The following MS4A7 variants were observed in gnomAD, a reference collection of about 807,000 sequenced individuals.
MS4A7 encodes the protein membrane-spanning 4-domains subfamily A member 7.
Under a neutral mutation model 23.5 loss-of-function variants are expected in MS4A7, and 21 were observed. The observed-to-expected ratio is 0.89, with a 90% CI of 0.63 to 1.29. The LOEUF (loss-of-function observed/expected upper bound fraction) is 1.29, where lower values mean the gene tolerates loss of function less well. Among genes scored for constraint, MS4A7 ranks in the 50% most tolerant of loss-of-function variants. The pLI, the probability that MS4A7 is intolerant of heterozygous loss-of-function variation, is 0.00. For missense variants in MS4A7, 263 were observed against 274.2 expected (o/e 0.96, Z 0.29); for synonymous variants, 111 against 107.4 (o/e 1.03, Z -0.21).
At position 60,385,256 on chromosome 11, in the gene MS4A7, C is replaced by A. The variant is rs190815822; in HGVS notation, c.282+34C>A. On this transcript the variant is annotated intron_variant, in intron 3 of 6. Coordinates refer to ENST00000300184, the MANE Select transcript of MS4A7 (RefSeq NM_021201.5). ...AATGGGGACTCTAAGAGGGGACATG[C>A]TTTATAAATGCTAACCAGGTGCATA... is the stretch of plus-strand genomic sequence containing the variant. 7 of 1,612,572 alleles carry A rather than the reference C, an allele frequency of 4.3e-6. No homozygotes were observed. In the East Asian group the frequency reaches 1.6e-4, roughly 36 times the overall value.
chr11:60,390,608 G>A lies in MS4A7; in HGVS notation c.546+1012G>A, dbSNP rs7928875. 5.2e-3 allele frequency among the ~76,000 whole-genome samples: 798 copies of A among 152,266 alleles called. 6 individuals carry two copies. Among genetic ancestry groups the A allele is most frequent in the South Asian group, 0.021 (101 of 4,816 alleles). On this transcript the variant is annotated intron_variant, in intron 5 of 6. Transcript: ENST00000300184. ...CAGAGACCTGTCTGGAGGAAACCCA[G>A]TAGATAGTGTCATCCTGGTGTAGGA...
At chr11:60,391,095 C>A (rs1052154169) in intron 5 of MS4A7, among the ~76,000 whole-genome samples, 4 of 152,028 alleles carry the variant, frequency 2.6e-5, no homozygotes, top group Admixed American at 1.3e-4. Flanking sequence ...TTGGACAGGG[C>A]CATAAAGCTC....
At chr11:60,379,734 C>T (rs1390257795) in intron 1 of MS4A7, among the ~76,000 whole-genome samples, 2 of 152,074 alleles carry the variant, frequency 1.3e-5, no homozygotes, top group South Asian at 2.1e-4. Flanking sequence ...GGGGTTTCAC[C>T]ATGTTGGCCA....
chr11:60,389,289 A>G, intron 4 of MS4A7, 101 bp from the exon 5 acceptor site: 1 of 928,382 alleles, frequency 1.1e-6, no homozygotes, highest in Non-Finnish European at 1.6e-6. Flanking sequence ...ACAGGAAGGA[A>G]ACAGACCCAA....
intron 4 of MS4A7, among the ~76,000 whole-genome samples, chr11:60,387,961 T>C (rs1171880844): frequency 6.6e-6 from 1 of 152,234 alleles, no homozygotes; most frequent in African/African-American, 2.4e-5. Context: ...GCAAAGACAC[T>C]GATGTGCCAG....
rs56895119 is a variant in MS4A7 at position 60,384,803 on chromosome 11, A to C, written c.148-285A>C. ...TGGACAACTTTTTTATCTACTTTTC[A>C]AGAAAATAAATTTAAAAACTGTCAA... is the stretch of plus-strand genomic sequence containing the variant. On this transcript the variant is annotated intron_variant, in intron 2 of 6. Coordinates refer to ENST00000300184, the MANE Select transcript of MS4A7 (RefSeq NM_021201.5). Among the ~76,000 whole-genome samples the C allele has an allele frequency of 8.8e-3, 1,342 of 152,322 alleles. 22 individuals are homozygous for C. The highest frequency in any genetic ancestry group is 0.03 in the African/African-American group (1,260 of 41,568).
At chr11:60,382,119 C>T (rs943060090) in intron 1 of MS4A7, among the ~76,000 whole-genome samples, 14 of 152,208 alleles carry the variant, frequency 9.2e-5, no homozygotes, top group Non-Finnish European at 1.2e-4. Context: ...ATCTGGGCAA[C>T]ATTTCAGGTG....
chr11:60,385,523 C>G (rs1330400424), intron 3 of MS4A7, among the ~76,000 whole-genome samples: 6 of 152,312 alleles, frequency 3.9e-5, no homozygotes, highest in Middle Eastern at 3.4e-3. Flanking sequence ...TTCCATATCC[C>G]TCTTTGAGGC....
intron 1 of MS4A7, 27 bp from the exon 2 acceptor site, chr11:60,383,102 G>T (rs766518984): frequency 2.5e-6 from 4 of 1,606,320 alleles, no homozygotes; most frequent in Non-Finnish European, 3.4e-6. Context: ...ACCTTGGGAA[G>T]TAACTGAGTT....
chr11:60,394,201 T>C lies in MS4A7; in HGVS notation c.*340T>C, dbSNP rs2135112187. The C allele has an allele frequency of 5.6e-6, 1 of 179,084 alleles. No individual in the cohort carries two copies. Among genetic ancestry groups the C allele is most frequent in the African/African-American group, 2.4e-5 (1 of 42,524 alleles). The allele number at this position is 179,084 out of a possible 1,614,324, so 11.1% of individuals were successfully genotyped here. On this transcript the variant is annotated 3_prime_UTR_variant, in exon 7 of 7. Coordinates refer to ENST00000300184, the MANE Select transcript of MS4A7 (RefSeq NM_021201.5). ...GTTGCGTGACTCTGCAGGCTGTTTCTGTATTATTTTCACACTCATATTGCT... is the reference window on the plus strand; with the variant it reads ...GTTGCGTGACTCTGCAGGCTGTTTCCGTATTATTTTCACACTCATATTGCT...
In MS4A7 at chr11:60,393,960, C is replaced by T; in HGVS notation, c.*99C>T. 1.7e-6 allele frequency: 1 copy of T among 586,660 alleles called. No individual in the cohort carries two copies. Among genetic ancestry groups the T allele is most frequent in the Non-Finnish European group, 2.8e-6 (1 of 357,710 alleles). 36.3% of individuals were successfully genotyped at this position (586,660 alleles called of 1,614,324 possible). A position where few individuals can be genotyped will look rare whatever the true frequency, so the allele number is the denominator to read the frequency against. ...CTCTGCCATTTTAGATACTGTGAAA[C>T]AAACTAAAAAAAAAAAAGCTTTTGT... On this transcript the variant is annotated 3_prime_UTR_variant, in exon 7 of 7. Coordinates refer to ENST00000300184, the MANE Select transcript of MS4A7 (RefSeq NM_021201.5).
rs892817286 is a variant in MS4A7, at chr11:60,395,763, G to A, written c.*1902G>A. 6.6e-6 allele frequency: 1 copy of A among 151,902 alleles called. No individual in the cohort carries two copies. The highest frequency in any genetic ancestry group is 6.6e-5 in the Admixed American group (1 of 15,252). The allele number at this position is 151,902 out of a possible 1,614,324, so 9.4% of individuals were successfully genotyped here. Reference sequence around the variant, plus strand: ...TTGAAAATGCAAAGAATTGTTAAATGTTCTTAAATGTTCTCACTACAAAAA... The same window carrying A: ...TTGAAAATGCAAAGAATTGTTAAATATTCTTAAATGTTCTCACTACAAAAA... On this transcript the variant is annotated 3_prime_UTR_variant, in exon 7 of 7. Transcript: ENST00000300184.
rs1450330418 is a variant in MS4A7 at position 60,395,461 on chromosome 11, T to C, written c.*1600T>C. The C allele has an allele frequency of 6.6e-6, 1 of 152,302 alleles. No homozygotes were observed. Among genetic ancestry groups the C allele is most frequent in the Non-Finnish European group, 1.5e-5 (1 of 68,094 alleles). 9.4% of individuals were successfully genotyped at this position (152,302 alleles called of 1,614,324 possible). ...ACCAGGAAATACTCAAGTTATTATG[T>C]GTATACATTGGTTTTAGTTTTATGA... On this transcript the variant is annotated 3_prime_UTR_variant, in exon 7 of 7. Transcript: ENST00000300184.
intron 3 of MS4A7, among the ~76,000 whole-genome samples, 156 bp downstream of exon 3, chr11:60,385,378 T>C (rs1251867302): frequency 6.6e-6 from 1 of 152,140 alleles, no homozygotes; most frequent in Non-Finnish European, 1.5e-5. Context: ...TTTCCCCTAT[T>C]CAAGAAGAGC....
Position 60,378,621 on chromosome 11 carries a change from G to A in MS4A7, c.-57G>A, listed in dbSNP as rs1350198478. 1 of 152,280 alleles carries A rather than the reference G, an allele frequency of 6.6e-6. No individual in the cohort carries two copies. Among genetic ancestry groups the A allele is most frequent in the Admixed American group, 6.5e-5 (1 of 15,286 alleles). 9.4% of individuals were successfully genotyped at this position (152,280 alleles called of 1,614,324 possible). A position where few individuals can be genotyped will look rare whatever the true frequency, so the allele number is the denominator to read the frequency against. On this transcript the variant is annotated 5_prime_UTR_variant, in exon 1 of 7. Coordinates refer to ENST00000300184, the MANE Select transcript of MS4A7 (RefSeq NM_021201.5). ...CCAGCTGAGCGCTCCCCAGAGGTGAGCTGATCCCCAGCCACAGCACACAGG... is the reference window on the plus strand; with the variant it reads ...CCAGCTGAGCGCTCCCCAGAGGTGAACTGATCCCCAGCCACAGCACACAGG...
intron 2 of MS4A7, chr11:60,383,755 G>C (rs2085455034): frequency 6.6e-6 from 1 of 152,228 alleles, no homozygotes; most frequent in South Asian, 2.1e-4. Flanking sequence ...GGCCAGGCTG[G>C]TCTTGAACTC....
chr11:60,381,967 C>A (rs1182788290), intron 1 of MS4A7, among the ~76,000 whole-genome samples: 1 of 152,204 alleles, frequency 6.6e-6, no homozygotes, highest in Non-Finnish European at 1.5e-5. Flanking sequence ...CTTCACTCCA[C>A]CCAAGAGAGG....
At chr11:60,386,541 A>T in intron 3 of MS4A7, 176 bp from the exon 4 acceptor site, 2 of 527,086 alleles carry the variant, frequency 3.8e-6, no homozygotes, top group Non-Finnish European at 6.8e-6. Context: ...CAATATAGAC[A>T]TTCTTATATC....
chr11:60,383,892 C>A (rs1236890401), intron 2 of MS4A7, among the ~76,000 whole-genome samples: 1 of 152,100 alleles, frequency 6.6e-6, no homozygotes, highest in Non-Finnish European at 1.5e-5. Flanking sequence ...TCTATTTAAC[C>A]ATATGGATTT....
Sources: allele counts gnomAD v4.1 joint callset (sites outside exome capture counted in the v4.1 genomes callset), GRCh38; gene constraint gnomAD v4.1.1; transcripts MANE v1.5; gene names NCBI Gene and HGNC (gene_info 2026-07-23, HGNC 2026-07-21).